The following PCLO variants were observed in gnomAD, a reference collection of about 807,000 sequenced individuals.
PCLO encodes the protein protein piccolo.
Under a neutral mutation model 427.5 loss-of-function variants are expected in PCLO, and 82 were observed. The ratio of observed to expected loss-of-function variants is 0.19; its 90% CI spans 0.16 to 0.23. PCLO has a LOEUF of 0.23. Among genes scored for constraint, PCLO ranks in the 10% least tolerant of loss-of-function variants. The probability of loss-of-function intolerance (pLI) is 1.00; values close to 1 mark genes in which losing one functional copy is unlikely to be tolerated. For synonymous variants in PCLO, 2,357 were observed against 2,155.4 expected (o/e 1.09, Z -2.59); for missense variants, 6,239 against 6,115.9 (o/e 1.02, Z -0.67).
intron 3 of PCLO, among the ~76,000 whole-genome samples, chr7:82,997,776 T>G (rs891261572): frequency 6.6e-6 from 1 of 152,072 alleles, no homozygotes; most frequent in African/African-American, 2.4e-5. Context: ...ATTTATTCTA[T>G]TCTGCTATTT....
At chr7:82,779,499 T>G (rs1790823665) in intron 22 of PCLO, among the ~76,000 whole-genome samples, 1 of 152,298 alleles carries the variant, frequency 6.6e-6, no homozygotes, top group Non-Finnish European at 1.5e-5. Flanking sequence ...GATTTGGAAT[T>G]AATCATGTGT....
intron 3 of PCLO, among the ~76,000 whole-genome samples, chr7:83,068,383 T>C (rs1789721468): frequency 6.6e-6 from 1 of 152,130 alleles, no homozygotes; most frequent in Non-Finnish European, 1.5e-5. Flanking sequence ...ATCCAAAATA[T>C]ATACGGAACT....
chr7:82,984,461 G>A (rs1384599646), intron 3 of PCLO, among the ~76,000 whole-genome samples: 3 of 145,970 alleles, frequency 2.1e-5, no homozygotes, highest in African/African-American at 5.3e-5. Context: ...ATGGAAGGCA[G>A]AAGATTCATT....
intron 3 of PCLO, among the ~76,000 whole-genome samples, chr7:83,006,919 T>A (rs1317598748): frequency 1.3e-5 from 2 of 151,512 alleles, no homozygotes; most frequent in Non-Finnish European, 3.0e-5. Context: ...TATACTGGTA[T>A]GCTTTTTACC....
At chr7:82,869,771 A>C (rs2115975150) in intron 10 of PCLO, among the ~76,000 whole-genome samples, 1 of 152,158 alleles carries the variant, frequency 6.6e-6, no homozygotes, top group East Asian at 1.9e-4. Context: ...GTAGTAAAGA[A>C]AAATAAGAAA....
intron 3 of PCLO, among the ~76,000 whole-genome samples, chr7:83,128,311 T>A (rs10279269): frequency 0.49 from 74,716 of 151,886 alleles, 19,296 homozygotes; most frequent in East Asian, 0.69. Context: ...AACCCAATAT[T>A]CTAAAATGTC....
intron 9 of PCLO, among the ~76,000 whole-genome samples, chr7:82,896,639 T>C (rs1793910789): frequency 6.6e-6 from 1 of 151,580 alleles, no homozygotes; most frequent in African/African-American, 2.4e-5. Flanking sequence ...ATTTATGATA[T>C]GTAAGTTATA....
chr7:83,006,233 G>A (rs886666), intron 3 of PCLO, among the ~76,000 whole-genome samples: 92,706 of 151,368 alleles, frequency 0.61, 29,657 homozygotes, highest in East Asian at 0.86. Context: ...AAGTTTAAAA[G>A]ATATTCGTGA....
chr7:83,004,425 G>C (rs1377906459), intron 3 of PCLO, among the ~76,000 whole-genome samples: 1 of 151,732 alleles, frequency 6.6e-6, no homozygotes, highest in South Asian at 2.1e-4. Flanking sequence ...TCTTCAACAG[G>C]TGGTGTTGGG....
chr7:82,840,498 T>C (rs1487070094), intron 14 of PCLO, among the ~76,000 whole-genome samples: 1 of 152,110 alleles, frequency 6.6e-6, no homozygotes, highest in Admixed American at 6.6e-5. Context: ...CATGGTATAT[T>C]ATGTAGTGGC....
intron 22 of PCLO, among the ~76,000 whole-genome samples, chr7:82,772,020 C>T (rs983384347): frequency 7.9e-5 from 12 of 152,138 alleles, no homozygotes; most frequent in East Asian, 3.9e-4. Flanking sequence ...CATTGAACAA[C>T]GCTTGCTCTT....
intron 3 of PCLO, among the ~76,000 whole-genome samples, chr7:82,979,654 C>T (rs1046967758): frequency 2.0e-5 from 3 of 152,106 alleles, no homozygotes; most frequent in Admixed American, 6.6e-5. Context: ...AGGCTGAAGA[C>T]TTATTGGCCA....
intron 3 of PCLO, among the ~76,000 whole-genome samples, chr7:83,097,079 ATATAT>A (rs1289077663): frequency 2.8e-5 from 2 of 71,810 alleles, no homozygotes; most frequent in Non-Finnish European, 4.7e-5. Flanking sequence ...CATTATATAA[ATATAT>A]TATACATTAT....
rs759069032 is a variant in PCLO, at chr7:82,966,158, T to C, written c.3630A>G (p.Glu1210=). The change falls in exon 4 of 25, where the codon GAA becomes GAG. Residue 1210 remains glutamate, a synonymous_variant. Coordinates refer to ENST00000333891, the MANE Select transcript of PCLO (RefSeq NM_033026.6). ...LEKDKASALQ[E]KKPLPEEKKL... The stretch of plus-strand genomic sequence containing the variant: ...TTTTTTCTTCAGGGAGTGGCTTTTT[T>C]TCTTGAAGAGCTGAAGCTTTGTCTT... The C allele has an allele frequency of 6.2e-7, 1 of 1,609,772 alleles. No individual in the cohort carries two copies. The highest frequency in any genetic ancestry group is 1.1e-5 in the South Asian group (1 of 89,994).
chr7:82,960,136 A>G (rs988459548), intron 4 of PCLO, among the ~76,000 whole-genome samples: 1 of 152,238 alleles, frequency 6.6e-6, no homozygotes, highest in Admixed American at 6.5e-5. Flanking sequence ...TGTGCAAAGA[A>G]AGGATGCAGT....
intron 22 of PCLO, among the ~76,000 whole-genome samples, chr7:82,788,575 T>A (rs1468400856): frequency 6.6e-6 from 1 of 152,076 alleles, no homozygotes; most frequent in Admixed American, 6.6e-5. Flanking sequence ...TTCTGATCTC[T>A]TTGTATAATA....
chr7:82,763,295 C>T (rs1790467804), intron 22 of PCLO, among the ~76,000 whole-genome samples: 1 of 152,038 alleles, frequency 6.6e-6, no homozygotes, highest in South Asian at 2.1e-4. Flanking sequence ...TGCACTATTA[C>T]TTTGCACTAC....
In PCLO at chr7:82,905,059, GGGTA is replaced by G. The variant is rs552903915; in HGVS notation, c.13438-2322_13438-2319del. 2.3e-4 allele frequency among the ~76,000 whole-genome samples: 35 copies of G among 152,086 alleles called. No individual in the cohort carries two copies. The South Asian group carries it at 7.3e-3, about 32-fold the overall frequency. The stretch of plus-strand genomic sequence containing the variant: ...AGAGTCCTGTAGCAGATGGGGTTAC[GGGTA>G]GGTGTTGCTAACGCCAAATAAGAGT... On this transcript the variant is annotated intron_variant, in intron 8 of 24. Coordinates refer to ENST00000333891, the MANE Select transcript of PCLO (RefSeq NM_033026.6).
intron 20 of PCLO, among the ~76,000 whole-genome samples, chr7:82,814,727 G>A (rs2115592412): frequency 6.6e-6 from 1 of 151,912 alleles, no homozygotes; most frequent in Non-Finnish European, 1.5e-5. Context: ...TTATGTAGCT[G>A]CTGGAAAACT....
Sources: allele counts gnomAD v4.1 joint callset (sites outside exome capture counted in the v4.1 genomes callset), GRCh38; gene constraint gnomAD v4.1.1; transcripts MANE v1.5; gene names NCBI Gene and HGNC (gene_info 2026-07-23, HGNC 2026-07-21).